The following HDC variants were observed in gnomAD, a reference collection of about 807,000 sequenced individuals.
HDC encodes histidine decarboxylase.
In HDC, 27 loss-of-function variants were observed where a neutral mutation model predicts 64.4. That is an observed-to-expected ratio of 0.42 (90% confidence interval 0.31 to 0.58). The LOEUF (loss-of-function observed/expected upper bound fraction) is 0.58, where lower values mean the gene tolerates loss of function less well. Among genes scored for constraint, HDC ranks in the 20% least tolerant of loss-of-function variants. The probability of loss-of-function intolerance (pLI) is 0.16; values close to 1 mark genes in which losing one functional copy is unlikely to be tolerated. For synonymous variants in HDC, 305 were observed against 314.2 expected, an observed-to-expected ratio of 0.97 and a Z score of 0.31; for missense variants, 711 against 833.9, an observed-to-expected ratio of 0.85 and a Z score of 1.81.
At position 50,253,682 on chromosome 15, in the gene HDC, G is replaced by T; in HGVS notation, c.721-16C>A. 1 of 1,611,372 alleles carries T rather than the reference G, an allele frequency of 6.2e-7. No homozygotes were observed. Among genetic ancestry groups the T allele is most frequent in the South Asian group, 1.1e-5 (1 of 90,994 alleles). Reference sequence around the variant, plus strand: ...TTGCACAGACCTAGGGGAAAATTAAGGCAAGTTAACACAGGAGGGTGGGCT... The same window carrying T: ...TTGCACAGACCTAGGGGAAAATTAATGCAAGTTAACACAGGAGGGTGGGCT... On this transcript the variant is annotated splice_polypyrimidine_tract_variant and intron_variant, in intron 6 of 11. Coordinates refer to ENST00000267845, the MANE Select transcript of HDC (RefSeq NM_002112.4).
intron 2 of HDC, among the ~76,000 whole-genome samples, chr15:50,259,192 C>T (rs2140940381): frequency 6.6e-6 from 1 of 152,062 alleles, no homozygotes; most frequent in South Asian, 2.1e-4. Context: ...AGACTGTGAG[C>T]TCCAGAAAAG....
chr15:50,247,369 T>G (rs1339645928), intron 10 of HDC, among the ~76,000 whole-genome samples: 1 of 152,182 alleles, frequency 6.6e-6, no homozygotes. Context: ...ATATACGTAA[T>G]TATTATGTAA....
intron 4 of HDC, among the ~76,000 whole-genome samples, chr15:50,256,005 G>A (rs2045624921): frequency 6.6e-6 from 1 of 152,192 alleles, no homozygotes. Context: ...AGAAAGCATG[G>A]TTTGGATTTA....
intron 10 of HDC, 132 bp from the exon 11 acceptor site, chr15:50,243,376 CATT>C (rs2045430249): frequency 1.4e-6 from 1 of 719,288 alleles, no homozygotes; most frequent in Non-Finnish European, 2.5e-6. Context: ...GCTTCTGCCT[CATT>C]GTCATCTCCA....
intron 10 of HDC, chr15:50,244,575 G>A (rs1441218709): frequency 2.0e-5 from 3 of 152,134 alleles, no homozygotes; most frequent in Admixed American, 2.0e-4. Context: ...CAAAGTACTG[G>A]GATTACTGGC....
chr15:50,255,233 G>T lies in HDC; in HGVS notation c.442-569C>A, dbSNP rs959088274. Reference sequence around the variant, plus strand: ...TGGGAGTATAGATTATCCAAACAAGGGTTGGGTAGGATTTTGCTCTGGCCA... The same window carrying T: ...TGGGAGTATAGATTATCCAAACAAGTGTTGGGTAGGATTTTGCTCTGGCCA... On this transcript the variant is annotated intron_variant, in intron 4 of 11. Transcript: ENST00000267845. Among the ~76,000 whole-genome samples the T allele has an allele frequency of 2.6e-5, 4 of 152,272 alleles. No individual in the cohort carries two copies. In the East Asian group the frequency reaches 7.7e-4, roughly 29 times the overall value.
At chr15:50,259,941 G>C (rs1456522924) in intron 2 of HDC, among the ~76,000 whole-genome samples, 1 of 152,012 alleles carries the variant, frequency 6.6e-6, no homozygotes, top group African/African-American at 2.4e-5. Flanking sequence ...CTAACCAGCT[G>C]TGTGACCGTG....
At chr15:50,244,086 T>C (rs1016656658) in intron 10 of HDC, among the ~76,000 whole-genome samples, 4 of 152,220 alleles carry the variant, frequency 2.6e-5, no homozygotes, top group Non-Finnish European at 5.9e-5. Context: ...TCTTTTTAAA[T>C]GTCCTGGGGT....
rs768255397 is a variant in HDC at position 50,258,357 on chromosome 15, C to A, written c.318+47G>T. Reference sequence around the variant, plus strand: ...AATATGTCTGCCCTAGGATACCACTCCCTGCTACGTTCCCCATTGCGAGTA... The same window carrying A: ...AATATGTCTGCCCTAGGATACCACTACCTGCTACGTTCCCCATTGCGAGTA... On this transcript the variant is annotated intron_variant, in intron 3 of 11. Coordinates refer to ENST00000267845, the MANE Select transcript of HDC (RefSeq NM_002112.4). The A allele has an allele frequency of 8.6e-6, 9 of 1,051,692 alleles. No homozygotes were observed. The East Asian group carries it at 2.2e-4, about 25-fold the overall frequency. The allele number at this position is 1,051,692 out of a possible 1,614,324, so 65.1% of individuals were successfully genotyped here.
rs1331567676 is a variant in HDC at position 50,243,081 on chromosome 15, T to G, written c.1242+62A>C. The G allele has an allele frequency of 4.3e-6, 7 of 1,613,198 alleles. No homozygotes were observed. In the African/African-American group the frequency reaches 6.7e-5, roughly 15 times the overall value. On this transcript the variant is annotated intron_variant, in intron 11 of 11. Transcript: ENST00000267845. The stretch of plus-strand genomic sequence containing the variant: ...ATCCCCAGAGCCCAGCATTTGTGTT[T>G]CCGAGAGGCTCTGGAGCACCACAAG...
intron 10 of HDC, among the ~76,000 whole-genome samples, chr15:50,244,283 CTCTTT>C (rs1410221189): frequency 7.2e-6 from 1 of 139,524 alleles, no homozygotes; most frequent in Non-Finnish European, 1.5e-5. Flanking sequence ...TTAGCTGAAC[CTCTTT>C]TTTTTTTTTT....
Position 50,242,694 on chromosome 15 carries a change from C to G in HDC, c.1555G>C (p.Ala519Pro). Residue 519 changes from alanine to proline, a missense_variant, in exon 12 of 12, where the codon GCC (alanine) becomes CCC (proline). Ala to Pro is a conservative substitution (Grantham distance 27). Around this residue, in one of 3 missense-constraint regions of HDC, gnomAD observed 483 missense variants for 540.9 expected, o/e 0.89. Transcript: ENST00000267845. ...VSGAGDDPVQ[A>P]RKIIKQPQRV... is the part of the protein sequence containing the mutation. ...TGAGGCTGCTTGATGATCTTCCTGG[C>G]CTGGACTGGATCATCTCCTGCCCCA... The G allele has an allele frequency of 6.2e-7, 1 of 1,614,142 alleles. No homozygotes were observed. Among genetic ancestry groups the G allele is most frequent in the East Asian group, 2.2e-5 (1 of 44,884 alleles).
chr15:50,263,178 C>G (rs2045725996), intron 2 of HDC, 57 bp downstream of exon 2: 2 of 1,572,164 alleles, frequency 1.3e-6, no homozygotes, highest in African/African-American at 2.7e-5. Flanking sequence ...TCCAGGCCAC[C>G]ACCCACCCTT....
chr15:50,264,800 C>A (rs11856059), intron 1 of HDC, among the ~76,000 whole-genome samples: 1 of 152,112 alleles, frequency 6.6e-6, no homozygotes, highest in Non-Finnish European at 1.5e-5. Context: ...CCCCTTCAAC[C>A]CTCTCACATC....
Position 50,263,306 on chromosome 15 carries a change from C to T in HDC, c.133G>A (p.Glu45Lys), listed in dbSNP as rs764835512. ...CTGTCGGGGTCCTCAGGAGCACTCTCAGGCAGCTGGGCTCGCAGGTAGCCA... is the reference window on the plus strand; with the variant it reads ...CTGTCGGGGTCCTCAGGAGCACTCTTAGGCAGCTGGGCTCGCAGGTAGCCA... ...QPGYLRAQLP[E>K]SAPEDPDSWD... Residue 45 changes from glutamate to lysine, a missense_variant, in exon 2 of 12, where the codon GAG (glutamate) becomes AAG (lysine). Physicochemically the swap from Glu to Lys is moderately conservative, Grantham distance 56 (BLOSUM62 1). This residue lies in a region of HDC where 225 missense variants were observed against 276.2 expected (regional missense o/e 0.81). Transcript: ENST00000267845. 1.9e-6 allele frequency: 3 copies of T among 1,614,200 alleles called. No homozygotes were observed. The highest frequency in any genetic ancestry group is 2.5e-6 in the Non-Finnish European group (3 of 1,180,026).
chr15:50,252,893 G>T (rs191370376), intron 7 of HDC, 119 bp from the exon 8 acceptor site: 1 of 993,656 alleles, frequency 1.0e-6, no homozygotes, highest in Non-Finnish European at 1.5e-6. Flanking sequence ...AATGAGAAAC[G>T]GAGGGGTGTG....
intron 10 of HDC, among the ~76,000 whole-genome samples, chr15:50,244,151 C>T (rs924515190): frequency 1.3e-5 from 2 of 152,046 alleles, no homozygotes; most frequent in African/African-American, 4.8e-5. Context: ...ACAGGACTTG[C>T]CTTCTCTTTT....
chr15:50,252,668 G>A lies in HDC; in HGVS notation c.894C>T (p.Ser298=). The change falls in exon 8 of 12, where the codon TCC becomes TCT. Residue 298 remains serine (S), a synonymous_variant. Transcript: ENST00000267845. The stretch of plus-strand genomic sequence containing the variant: ...TCCACTTGGAAGGATTAAAGGTGAA[G>A]GAGTCGGCATACTCAATCCCCTTCA... ...GFLKGIEYAD[S]FTFNPSKWMM... 6.2e-7 allele frequency: 1 copy of A among 1,614,208 alleles called. No individual in the cohort carries two copies. The highest frequency in any genetic ancestry group is 1.1e-5 in the South Asian group (1 of 91,086).
In HDC at chr15:50,252,687, C is replaced by G. The variant is rs2045573383; in HGVS notation, c.875G>C (p.Gly292Ala). Reference protein sequence around the residue: ...LCPEFRGFLKGIEYADSFTFN... With the variant: ...LCPEFRGFLKAIEYADSFTFN... The stretch of plus-strand genomic sequence containing the variant: ...GGTGAAGGAGTCGGCATACTCAATC[C>G]CCTTCAGAAACCCCCGGAACTCGGG... The change falls in exon 8 of 12, where the codon GGG (glycine) becomes GCG (alanine). Residue 292 changes from glycine (G) to alanine (A), a missense_variant. By Grantham distance (60) the Gly-to-Ala change is moderately conservative. Around this residue, in one of 3 missense-constraint regions of HDC, gnomAD observed 483 missense variants for 540.9 expected, o/e 0.89. Coordinates refer to ENST00000267845, the MANE Select transcript of HDC (RefSeq NM_002112.4). 6.2e-7 allele frequency: 1 copy of G among 1,614,148 alleles called. No individual in the cohort carries two copies. The highest frequency in any genetic ancestry group is 8.5e-7 in the Non-Finnish European group (1 of 1,180,022).
Sources: gnomAD v4.1 joint callset for allele counts (sites outside exome capture counted in the v4.1 genomes callset) on GRCh38, gnomAD v4.1.1 for gene constraint, gnomAD v4.1.1 regional missense constraint, MANE v1.5 for transcripts, NCBI Gene and HGNC (gene_info 2026-07-23, HGNC 2026-07-21) for gene names.